CDCP1: variants seen among roughly 807,000 people sequenced by gnomAD.
CDCP1 encodes CUB domain-containing protein 1.
A neutral mutation model predicts 60.2 loss-of-function variants in CDCP1; 29 were observed. That is an observed-to-expected ratio of 0.48 (90% CI 0.36 to 0.66). The LOEUF is 0.66. CDCP1 is among the 30% of genes least tolerant of loss of function. The pLI is 0.00. For synonymous variants in CDCP1, 387 were observed against 431.1 expected (o/e 0.90, Z 1.27); for missense variants, 876 against 1,074.3 (o/e 0.82, Z 2.58).
intron 1 of CDCP1, among the ~76,000 whole-genome samples, chr3:45,124,782 T>C (rs914841799): frequency 6.6e-6 from 1 of 152,284 alleles, no homozygotes; most frequent in Middle Eastern, 3.4e-3. Context: ...ATTGTGGATG[T>C]GCACACCATG....
chr3:45,087,670 C>T (rs890990221), intron 8 of CDCP1, among the ~76,000 whole-genome samples: 1 of 152,184 alleles, frequency 6.6e-6, no homozygotes, highest in Non-Finnish European at 1.5e-5. Context: ...TGTAGACAGT[C>T]TTGTTGTAGA....
In CDCP1 at chr3:45,085,462, A is replaced by G. The variant is rs116108440; in HGVS notation, c.*176T>C. ...TCCAGATTGGAATTCATCATTTTCA[A>G]TGTCTTGCCCTTAGAATGAGTCCAC... On this transcript the variant is annotated 3_prime_UTR_variant, in exon 9 of 9. Transcript: ENST00000296129. This position sits in a 1 kb window ranked among gnomAD's most constrained non-coding sequence, Gnocchi z 4.2. The G allele has an allele frequency of 0.01, 6,537 of 646,056 alleles. 50 individuals carry two copies. The highest frequency in any genetic ancestry group is 0.016 in the Middle Eastern group (37 of 2,302). 40.0% of individuals were successfully genotyped at this position (646,056 alleles called of 1,614,324 possible).
intron 6 of CDCP1, 57 bp downstream of exon 6, chr3:45,093,220 A>C (rs1054471380): frequency 1.9e-6 from 3 of 1,546,558 alleles, no homozygotes; most frequent in Non-Finnish European, 2.6e-6. Context: ...TCACAAAACT[A>C]AAATCAAATA....
intron 1 of CDCP1, among the ~76,000 whole-genome samples, chr3:45,120,341 TC>T (rs1698861837): frequency 6.6e-6 from 1 of 152,210 alleles, no homozygotes; most frequent in African/African-American, 2.4e-5. Flanking sequence ...GAAATTGATC[TC>T]CCAACCTTAT....
chr3:45,133,940 C>T (rs1291992032), intron 1 of CDCP1, among the ~76,000 whole-genome samples: 2 of 152,090 alleles, frequency 1.3e-5, no homozygotes, highest in Non-Finnish European at 2.9e-5. Flanking sequence ...GATACTTTGG[C>T]AGCAATCCAT....
At chr3:45,108,953 A>ATATATTT (rs1401302861) in intron 4 of CDCP1, among the ~76,000 whole-genome samples, 1 of 41,134 alleles carries the variant, frequency 2.4e-5, no homozygotes, top group African/African-American at 9.7e-5. Flanking sequence ...ATATATATAT[A>ATATATTT]TTTTTTTTTT....
At position 45,110,546 on chromosome 3, in the gene CDCP1, G is replaced by A. The variant is rs1698668177; in HGVS notation, c.951C>T (p.Asp317=). ...GNFNLSLQGC[D]QDAQSPGILR... ...GGATCCCTGGACTTTGGGCATCTTG[G>A]TCACAGCCTTGCAGAGAGAGGTTGA... Residue 317 remains aspartate (D), a synonymous_variant, in exon 4 of 9, where the codon GAC becomes GAT. Coordinates refer to ENST00000296129, the MANE Select transcript of CDCP1 (RefSeq NM_022842.5). The A allele has an allele frequency of 1.2e-6, 2 of 1,614,072 alleles. No homozygotes were observed. The highest frequency in any genetic ancestry group is 1.7e-6 in the Non-Finnish European group (2 of 1,180,036).
At chr3:45,126,108 C>CTTTCTTTTTCTT (rs1553610965) in intron 1 of CDCP1, among the ~76,000 whole-genome samples, 4 of 110,010 alleles carry the variant, frequency 3.6e-5, no homozygotes, top group African/African-American at 7.4e-5. Flanking sequence ...TTGTCTCTCT[C>CTTTCTTTTTCTT]TCTTTCTTTC....
intron 1 of CDCP1, among the ~76,000 whole-genome samples, chr3:45,120,618 C>T (rs545830448): frequency 6.6e-6 from 1 of 152,258 alleles, no homozygotes; most frequent in South Asian, 2.1e-4. Flanking sequence ...ACTGCCATGG[C>T]CAGTTTTATG....
intron 5 of CDCP1, among the ~76,000 whole-genome samples, chr3:45,095,119 AG>A (rs1439221239): frequency 1.3e-5 from 2 of 152,110 alleles, no homozygotes; most frequent in Non-Finnish European, 2.9e-5. Context: ...TTTTTAGTAA[AG>A]ATGGGGTTTT....
chr3:45,104,989 G>A (rs150280343), intron 4 of CDCP1, among the ~76,000 whole-genome samples: 1,809 of 152,170 alleles, frequency 0.012, 38 homozygotes, highest in African/African-American at 0.041. Flanking sequence ...CGGAGGTTGC[G>A]GTGAGCCAAG....
At position 45,093,271 on chromosome 3, in the gene CDCP1, C is replaced by A. The variant is rs566979418; in HGVS notation, c.1627+6G>T. 5 of 1,612,114 alleles carry A rather than the reference C, an allele frequency of 3.1e-6. No homozygotes were observed. The African/African-American group carries it at 5.3e-5, about 17-fold the overall frequency. The stretch of plus-strand genomic sequence containing the variant: ...GGGGCATGGAGATAGGGGAGACCCC[C>A]CTTACCTTTGAAATAAGGTATAAAG... On this transcript the variant is annotated splice_donor_region_variant and intron_variant, in intron 6 of 8. Coordinates refer to ENST00000296129, the MANE Select transcript of CDCP1 (RefSeq NM_022842.5).
At chr3:45,119,318 C>A (rs1698844444) in intron 1 of CDCP1, among the ~76,000 whole-genome samples, 1 of 152,144 alleles carries the variant, frequency 6.6e-6, no homozygotes, top group South Asian at 2.1e-4. Context: ...CAGAGTAGGG[C>A]TCTGGTTCAC....
chr3:45,127,791 G>A (rs1442297670), intron 1 of CDCP1, among the ~76,000 whole-genome samples: 4 of 152,182 alleles, frequency 2.6e-5, no homozygotes, highest in African/African-American at 9.7e-5. Context: ...CAAGACAGCA[G>A]GGCAAATCTC....
chr3:45,146,169 C>T (rs762410670), intron 1 of CDCP1, 37 bp downstream of exon 1: 4 of 1,547,878 alleles, frequency 2.6e-6, no homozygotes, highest in Admixed American at 3.8e-5. Flanking sequence ...GCTAGCTCAC[C>T]ACTCCACGCC....
intron 4 of CDCP1, among the ~76,000 whole-genome samples, chr3:45,105,318 C>T (rs1236926244): frequency 2.0e-5 from 3 of 152,140 alleles, no homozygotes; most frequent in African/African-American, 7.2e-5. Context: ...ATTTAAGACT[C>T]ATGGAACACA....
chr3:45,082,281 G>A lies in CDCP1; in HGVS notation c.*3357C>T, dbSNP rs1698116233. The A allele has an allele frequency of 6.6e-6, 1 of 152,190 alleles. No individual in the cohort carries two copies. Among genetic ancestry groups the A allele is most frequent in the South Asian group, 2.1e-4 (1 of 4,826 alleles). The allele number at this position is 152,190 out of a possible 1,614,324, so 9.4% of individuals were successfully genotyped here. On this transcript the variant is annotated 3_prime_UTR_variant, in exon 9 of 9. Transcript: ENST00000296129. ...GGGAGACTTGAAAACCAGTGGTGGCGAGACTCCAAGACTATTATTTTTATT... is the reference window on the plus strand; with the variant it reads ...GGGAGACTTGAAAACCAGTGGTGGCAAGACTCCAAGACTATTATTTTTATT...
At position 45,086,147 on chromosome 3, in the gene CDCP1, G is replaced by C. The variant is rs557446379; in HGVS notation, c.2082-80C>G. The stretch of plus-strand genomic sequence containing the variant: ...GTACCATTGCTATGGCCCTGCTAGA[G>C]CTTGGATTCTTTAGGGTTCTGACCA... On this transcript the variant is annotated intron_variant, in intron 8 of 8. Coordinates refer to ENST00000296129, the MANE Select transcript of CDCP1 (RefSeq NM_022842.5). 4.7e-6 allele frequency: 6 copies of C among 1,284,072 alleles called. No homozygotes were observed. The East Asian group carries it at 1.2e-4, about 25-fold the overall frequency. 79.5% of individuals were successfully genotyped at this position (1,284,072 alleles called of 1,614,324 possible).
At chr3:45,117,993 G>A (rs899620360) in intron 2 of CDCP1, among the ~76,000 whole-genome samples, 3 of 152,080 alleles carry the variant, frequency 2.0e-5, no homozygotes, top group Admixed American at 6.6e-5. Flanking sequence ...TTTGTCTTCC[G>A]TATCAGCCAG....
Sources: gnomAD v4.1 joint callset for allele counts (sites outside exome capture counted in the v4.1 genomes callset) on GRCh38, gnomAD v4.1.1 for gene constraint, Gnocchi (gnomAD v3.1) non-coding constraint, MANE v1.5 for transcripts, NCBI Gene and HGNC (gene_info 2026-07-23, HGNC 2026-07-21) for gene names.